Variants in RGN observed in about 807,000 individuals in gnomAD.
RGN encodes the protein regucalcin, also known as epididymis secretory protein Li 41.
A neutral mutation model predicts 20.6 loss-of-function variants in RGN; 19 were observed. The observed-to-expected ratio is 0.92, with a 90% CI of 0.64 to 1.35. The LOEUF (loss-of-function observed/expected upper bound fraction) is 1.35. Ranked by LOEUF, RGN falls within the 40% of genes most tolerant of loss-of-function variation. The pLI, the probability that RGN is intolerant of heterozygous loss-of-function variation, is 0.00. For missense variants in RGN, 302 were observed against 232.7 expected, an observed-to-expected ratio of 1.30 and a Z score of -1.94; for synonymous variants, 85 against 87.2, an observed-to-expected ratio of 0.97 and a Z score of 0.14.
rs782254337 is a variant in RGN, at chrX:47,084,944, G to C, written c.346+344G>C. 7.9e-5 allele frequency: 14 copies of C among 178,242 alleles called. No homozygotes were observed. In the South Asian group the frequency reaches 3.4e-3, roughly 43 times the overall value. The allele number at this position is 178,242 out of a possible 1,213,427, so 14.7% of individuals were successfully genotyped here. A position where few individuals can be genotyped will look rare whatever the true frequency, so the allele number is the denominator to read the frequency against. On this transcript the variant is annotated intron_variant, in intron 4 of 7. Coordinates refer to ENST00000397180, the MANE Select transcript of RGN (RefSeq NM_152869.4). ...CACTCTAACCTGGGTGACAGAGTGA[G>C]ACCCGGTCTCGAAAAAAGAAAGAAA... is the stretch of plus-strand genomic sequence containing the variant.
At chrX:47,081,528 G>T (rs914448666) in intron 3 of RGN, among the ~76,000 whole-genome samples, 2 of 104,883 alleles carry the variant, frequency 1.9e-5, no homozygotes, top group African/African-American at 3.5e-5. Flanking sequence ...TTTTTGGGGG[G>T]GGGGGTGTTT....
chrX:47,090,961 A>AAGGAAAGAAAGAAAG (rs1556387554), intron 5 of RGN, among the ~76,000 whole-genome samples: 2 of 63,565 alleles, frequency 3.1e-5, no homozygotes, highest in African/African-American at 1.3e-4. Context: ...AGAAAGAAAG[A>AAGGAAAGAAAGAAAG]AAGAAAGAAA....
At chrX:47,080,995 T>C in intron 2 of RGN, 59 bp downstream of exon 2, 1 of 436,452 alleles carries the variant, frequency 2.3e-6, no homozygotes, top group East Asian at 3.7e-5. Flanking sequence ...TTTGCCTATG[T>C]GTCTCTCCCT....
intron 4 of RGN, among the ~76,000 whole-genome samples, chrX:47,089,042 T>C (rs1556385459): frequency 1.0e-5 from 1 of 97,575 alleles, no homozygotes; most frequent in Non-Finnish European, 2.1e-5. Context: ...CCCAGCACTT[T>C]GGAGGCCAAG....
Position 47,090,944 on chromosome X carries a change from G to GAAGGAAGGAAAGAA in RGN, c.563-732_563-731insGGAAGGAAAGAAAA, listed in dbSNP as rs1569540745. 2.0e-3 allele frequency among the ~76,000 whole-genome samples: 77 copies of GAAGGAAGGAAAGAA among 38,188 alleles called. 8 individuals are homozygous for GAAGGAAGGAAAGAA. Among genetic ancestry groups the GAAGGAAGGAAAGAA allele is most frequent in the Middle Eastern group, 9.4e-3 (1 of 106 alleles). 33.2% of individuals were successfully genotyped at this position (38,188 alleles called of 115,157 possible). ...AGAAAGAAAGAAAGAAAGAAAGAAAGAAAGAAAGAAAGAAAGAAAGAAAGA... is the reference window on the plus strand; with the variant it reads ...AGAAAGAAAGAAAGAAAGAAAGAAAGAAGGAAGGAAAGAAAAAGAAAGAAAGAAAGAAAGAAAGA... On this transcript the variant is annotated intron_variant, in intron 5 of 7. Coordinates refer to ENST00000397180, the MANE Select transcript of RGN (RefSeq NM_152869.4).
intron 4 of RGN, among the ~76,000 whole-genome samples, chrX:47,087,189 G>A (rs957775840): frequency 6.3e-5 from 7 of 111,539 alleles, no homozygotes; most frequent in Admixed American, 1.9e-4. Context: ...TGAGTTAGCC[G>A]AAGTTGATTC....
Position 47,084,523 on chromosome X carries a change from T to C in RGN, c.269T>C (p.Leu90Ser), listed in dbSNP as rs782193203. The C allele has an allele frequency of 1.7e-6, 2 of 1,204,129 alleles. No homozygotes were observed. Among genetic ancestry groups the C allele is most frequent in the South Asian group, 1.8e-5 (1 of 55,502 alleles). The change falls in exon 4 of 8, where the codon TTG becomes TCG. Residue 90 changes from leucine (L) to serine (S), a missense_variant. Coordinates refer to ENST00000397180, the MANE Select transcript of RGN (RefSeq NM_152869.4). ...LNWKEQSAVVLATVDNDKKNN... is the reference protein window; with the variant it reads ...LNWKEQSAVVSATVDNDKKNN... ...TGGAAAGAACAATCAGCAGTTGTCT[T>C]GGCCACGGTGGATAACGACAAGAAA...
At chrX:47,092,002 C>A in intron 6 of RGN, 59 bp from the exon 7 acceptor site, 2 of 1,080,948 alleles carry the variant, frequency 1.9e-6, no homozygotes. Flanking sequence ...TCCCTAGAAA[C>A]AATACACAGG....
intron 3 of RGN, among the ~76,000 whole-genome samples, chrX:47,083,923 AAC>A (rs1453712823): frequency 1.3e-4 from 13 of 98,123 alleles, no homozygotes; most frequent in African/African-American, 5.6e-4. Flanking sequence ...AAACAAAACA[AAC>A]AAAAAAAAAA....
At chrX:47,085,565 G>A (rs1009835850) in intron 4 of RGN, among the ~76,000 whole-genome samples, 5 of 110,838 alleles carry the variant, frequency 4.5e-5, no homozygotes, top group African/African-American at 1.6e-4. Context: ...TTTTACCCGG[G>A]TTCACCTATT....
chrX:47,092,942 G>A lies in RGN; in HGVS notation c.895G>A (p.Gly299Arg), dbSNP rs1556388495. Residue 299 changes from glycine to arginine, a missense_variant, in exon 8 of 8, where the codon GGA becomes AGA. Transcript: ENST00000397180. The part of the protein sequence containing the change: ...VKGIAPYSYA[G>R] ...AGGAATTGCTCCCTACTCCTATGCGGGATGAGGACAGGTCTTCTTTCCTGC... is the reference window on the plus strand; with the variant it reads ...AGGAATTGCTCCCTACTCCTATGCGAGATGAGGACAGGTCTTCTTTCCTGC... 8.3e-7 allele frequency: 1 copy of A among 1,202,470 alleles called. No homozygotes were observed. The highest frequency in any genetic ancestry group is 1.1e-6 in the Non-Finnish European group (1 of 887,901).
chrX:47,088,939 AAAAAAAAAGAAG>A (rs1254990415), intron 4 of RGN, among the ~76,000 whole-genome samples: 4 of 65,747 alleles, frequency 6.1e-5, no homozygotes, highest in Non-Finnish European at 1.3e-4. Flanking sequence ...GCCAAAAAAA[AAAAAAAAAGAAG>A]AAGAAGAAGA....
At chrX:47,086,348 T>A (rs782225509) in intron 4 of RGN, among the ~76,000 whole-genome samples, 1 of 111,941 alleles carries the variant, frequency 8.9e-6, no homozygotes, top group Admixed American at 9.6e-5. Context: ...TAAGGCCCTG[T>A]CAGATTTCTC....
Position 47,078,456 on chromosome X carries a change from C to T in RGN, c.-889C>T, listed in dbSNP as rs782786434. ...GACAACAGAGCCAGACCCGCTCATCCCGATCTCCCAGAAGGCGACTGACAG... is the reference window on the plus strand; with the variant it reads ...GACAACAGAGCCAGACCCGCTCATCTCGATCTCCCAGAAGGCGACTGACAG... On this transcript the variant is annotated 5_prime_UTR_variant, in exon 1 of 8. Transcript: ENST00000397180. 1 of 112,803 alleles carries T rather than the reference C, an allele frequency of 8.9e-6. No individual in the cohort carries two copies. Among genetic ancestry groups the T allele is most frequent in the African/African-American group, 3.2e-5 (1 of 31,163 alleles). The allele number at this position is 112,803 out of a possible 1,213,427, so 9.3% of individuals were successfully genotyped here.
intron 4 of RGN, among the ~76,000 whole-genome samples, chrX:47,086,734 GGAGAGAGAGAGAGAGAGAGAGAGAGA>G (rs781935920): frequency 5.9e-5 from 3 of 50,523 alleles, no homozygotes; most frequent in Non-Finnish European, 1.2e-4. Context: ...AGTGATAACA[GGAGAGAGAGAGAGAGAGAGAGAGAGA>G]GAGAGAGAGA....
chrX:47,086,303 G>A (rs1488514893), intron 4 of RGN, among the ~76,000 whole-genome samples: 2 of 111,288 alleles, frequency 1.8e-5, no homozygotes, highest in African/African-American at 3.3e-5. Context: ...CACGATGTCC[G>A]TGTGTCCCCT....
intron 5 of RGN, among the ~76,000 whole-genome samples, chrX:47,090,954 AAG>A (rs1930972585): frequency 1.9e-5 from 1 of 53,185 alleles, no homozygotes; most frequent in African/African-American, 5.5e-5. Context: ...GAAAGAAAGA[AAG>A]AAAGAAAGAA....
At position 47,087,974 on chromosome X, in the gene RGN, ATAT is replaced by A. The variant is rs1335112024; in HGVS notation, c.347-1798_347-1796del. On this transcript the variant is annotated intron_variant, in intron 4 of 7. Coordinates refer to ENST00000397180, the MANE Select transcript of RGN (RefSeq NM_152869.4). ...ACTATATATATTATATTAATATATAATATTATATTATATATAATTATAATATAA... is the reference window on the plus strand; with the variant it reads ...ACTATATATATTATATTAATATATAATATATTATATATAATTATAATATAA... Among the ~76,000 whole-genome samples, 5 of 99,311 alleles carry A rather than the reference ATAT, an allele frequency of 5.0e-5. No homozygotes were observed. In the Admixed American group the frequency reaches 6.1e-4, roughly 12 times the overall value. The allele number at this position is 99,311 out of a possible 115,157, so 86.2% of individuals were successfully genotyped here. A position where few individuals can be genotyped will look rare whatever the true frequency, so the allele number is the denominator to read the frequency against.
In RGN at chrX:47,093,161, T is replaced by C. The variant is rs186291858; in HGVS notation, c.*214T>C. On this transcript the variant is annotated 3_prime_UTR_variant, in exon 8 of 8. Coordinates refer to ENST00000397180, the MANE Select transcript of RGN (RefSeq NM_152869.4). ...ATAAGGCTTTCTGTAAAAGGTACTA[T>C]AGAAGGGCGAAGAATCGTTCAACTG... 17 of 389,676 alleles carry C rather than the reference T, an allele frequency of 4.4e-5. No individual in the cohort carries two copies. Among genetic ancestry groups the C allele is most frequent in the East Asian group, 8.3e-5 (2 of 24,023 alleles). The allele number at this position is 389,676 out of a possible 1,213,427, so 32.1% of individuals were successfully genotyped here.
Sources: gnomAD v4.1 joint callset for allele counts (sites outside exome capture counted in the v4.1 genomes callset) on GRCh38, gnomAD v4.1.1 for gene constraint, MANE v1.5 for transcripts, NCBI Gene and HGNC (gene_info 2026-07-23, HGNC 2026-07-21) for gene names.